Variants in FMNL3 observed in about 807,000 individuals in gnomAD.
The protein encoded by FMNL3 is formin like 3.
In FMNL3, 57 loss-of-function variants were observed where a neutral mutation model predicts 119.6. The ratio of observed to expected loss-of-function variants is 0.48; its 90% CI spans 0.39 to 0.59. The LOEUF is 0.59. FMNL3 is among the 20% of genes least tolerant of loss of function. The pLI is 0.00. For synonymous variants in FMNL3, 491 were observed against 507.3 expected (o/e 0.97, Z 0.43); for missense variants, 1,053 against 1,323.5 (o/e 0.80, Z 3.17).
chr12:49,676,303 C>T (rs12300919), intron 1 of FMNL3, among the ~76,000 whole-genome samples: 3,559 of 152,252 alleles, frequency 0.023, 141 homozygotes, highest in African/African-American at 0.082. Context: ...GTGTGCACAA[C>T]TTCTGAGAAA....
At chr12:49,654,133 G>T in intron 11 of FMNL3, 59 bp downstream of exon 11, 1 of 1,491,790 alleles carries the variant, frequency 6.7e-7, no homozygotes, top group Non-Finnish European at 9.3e-7. Context: ...AAAATCATTT[G>T]TGATACGGCT....
chr12:49,657,552 T>G (rs546542676), intron 6 of FMNL3, among the ~76,000 whole-genome samples: 56 of 152,276 alleles, frequency 3.7e-4, no homozygotes, highest in African/African-American at 1.3e-3. Flanking sequence ...TGCTGCACCT[T>G]CTGCACAATC....
intron 1 of FMNL3, among the ~76,000 whole-genome samples, chr12:49,682,802 C>G (rs900461045): frequency 6.6e-6 from 1 of 152,116 alleles, no homozygotes; most frequent in African/African-American, 2.4e-5. Flanking sequence ...AAGATAAAAT[C>G]AAGAAACCAA....
At chr12:49,686,602 T>G (rs942620224) in intron 1 of FMNL3, among the ~76,000 whole-genome samples, 11 of 133,310 alleles carry the variant, frequency 8.3e-5, no homozygotes, top group South Asian at 4.8e-4. Flanking sequence ...AAAAAAAAAG[T>G]ATTGAGCACC....
At chr12:49,693,635 G>GTTT (rs1565896489) in intron 1 of FMNL3, among the ~76,000 whole-genome samples, 356 of 21,244 alleles carry the variant, frequency 0.017, 149 homozygotes, top group East Asian at 0.048. Flanking sequence ...TCCCAATCTT[G>GTTT]GTTTTTTTTT....
chr12:49,652,845 G>A (rs1422997413), intron 13 of FMNL3, among the ~76,000 whole-genome samples: 1 of 152,174 alleles, frequency 6.6e-6, no homozygotes, highest in Non-Finnish European at 1.5e-5. Flanking sequence ...GATACCTGGT[G>A]GACATCCTAA....
chr12:49,662,996 C>T (rs1943780686), intron 4 of FMNL3, among the ~76,000 whole-genome samples: 1 of 152,196 alleles, frequency 6.6e-6, no homozygotes, highest in Non-Finnish European at 1.5e-5. Context: ...CCTTTCTCCC[C>T]AACAGCTGGA....
intron 21 of FMNL3, among the ~76,000 whole-genome samples, chr12:49,648,757 G>A (rs547056606): frequency 5.9e-5 from 9 of 152,258 alleles, no homozygotes; most frequent in Non-Finnish European, 1.3e-4. Flanking sequence ...GCTTGAGGGA[G>A]TTGGGAGTAA....
intron 1 of FMNL3, among the ~76,000 whole-genome samples, chr12:49,692,352 CT>C (rs1487884458): frequency 2.0e-5 from 3 of 151,874 alleles, no homozygotes; most frequent in African/African-American, 7.3e-5. Context: ...AGTCTACCCC[CT>C]CCCTACCCAA....
intron 1 of FMNL3, among the ~76,000 whole-genome samples, chr12:49,697,177 G>A (rs1023701297): frequency 2.0e-5 from 3 of 152,116 alleles, no homozygotes; most frequent in Non-Finnish European, 4.4e-5. Flanking sequence ...CTGACCAGGG[G>A]GTGAGTGTAG....
intron 4 of FMNL3, 105 bp downstream of exon 4, chr12:49,665,727 C>G: frequency 1.6e-6 from 2 of 1,215,030 alleles, no homozygotes; most frequent in Non-Finnish European, 2.4e-6. Flanking sequence ...TGCCCCATGG[C>G]AGGGAAGATG....
At position 49,637,697 on chromosome 12, in the gene FMNL3, GC is replaced by G. The variant is rs1565839898; in HGVS notation, c.*8117del. 2 of 1,450,746 alleles carry G rather than the reference GC, an allele frequency of 1.4e-6. No homozygotes were observed. Among genetic ancestry groups the G allele is most frequent in the Admixed American group, 3.7e-5 (2 of 54,288 alleles). The allele number at this position is 1,450,746 out of a possible 1,614,324, so 89.9% of individuals were successfully genotyped here. A position where few individuals can be genotyped will look rare whatever the true frequency, so the allele number is the denominator to read the frequency against. On this transcript the variant is annotated 3_prime_UTR_variant, in exon 26 of 26. Coordinates refer to ENST00000335154, the MANE Select transcript of FMNL3 (RefSeq NM_175736.5). ...CCCAGCCCCCAGGCCTTGGGAAGCT[GC>G]CGCCCGCCAGGCCCCCCTCCCTCCC...
intron 1 of FMNL3, among the ~76,000 whole-genome samples, chr12:49,693,023 CA>C (rs1032926407): frequency 1.3e-5 from 2 of 152,110 alleles, no homozygotes; most frequent in Admixed American, 1.3e-4. Flanking sequence ...ACTTCGTAAA[CA>C]GGAGGGCAAT....
intron 1 of FMNL3, among the ~76,000 whole-genome samples, chr12:49,696,676 G>C (rs2139032169): frequency 6.6e-6 from 1 of 152,346 alleles, no homozygotes; most frequent in Non-Finnish European, 1.5e-5. Flanking sequence ...CAAAGGTTGA[G>C]GGCTAGGGCC....
rs764554771 is a variant in FMNL3, at chr12:49,648,300, G to A, written c.2569C>T (p.Leu857=). The part of the protein sequence containing the change: ...DVKELGRGME[L]IRRECSIHDN... ...TGGATGCTGCACTCACGCCGAATCA[G>A]CTCCATGCCCCGGCCCAGCTCCTTC... is the stretch of plus-strand genomic sequence containing the variant. Residue 857 remains leucine (L), a synonymous_variant, in exon 22 of 26, where the codon CTG becomes TTG. Transcript: ENST00000335154. The A allele has an allele frequency of 3.1e-6, 5 of 1,613,734 alleles. No individual in the cohort carries two copies. The highest frequency in any genetic ancestry group is 4.2e-6 in the Non-Finnish European group (5 of 1,179,854).
At chr12:49,646,749 C>A (rs756749291) in intron 25 of FMNL3, 137 bp downstream of exon 25, 1 of 1,589,320 alleles carries the variant, frequency 6.3e-7, no homozygotes, top group Admixed American at 1.8e-5. Context: ...GGACACTCTT[C>A]AGCACTGTGG....
At position 49,637,760 on chromosome 12, in the gene FMNL3, T is replaced by A. The variant is rs770514767; in HGVS notation, c.*8055A>T. ...TCCACCCCTCTGGACTTATTCAAGTTCTATGTGGAGGAGTTGAAGGCACGA... is the reference window on the plus strand; with the variant it reads ...TCCACCCCTCTGGACTTATTCAAGTACTATGTGGAGGAGTTGAAGGCACGA... On this transcript the variant is annotated 3_prime_UTR_variant, in exon 26 of 26. Coordinates refer to ENST00000335154, the MANE Select transcript of FMNL3 (RefSeq NM_175736.5). The A allele has an allele frequency of 6.2e-6, 10 of 1,611,822 alleles. No individual in the cohort carries two copies. Among genetic ancestry groups the A allele is most frequent in the Non-Finnish European group, 8.5e-6 (10 of 1,178,530 alleles).
At chr12:49,696,854 C>T (rs1008549648) in intron 1 of FMNL3, among the ~76,000 whole-genome samples, 1 of 152,234 alleles carries the variant, frequency 6.6e-6, no homozygotes, top group African/African-American at 2.4e-5. Flanking sequence ...ACCAGGGCTC[C>T]TTCTTACCAA....
chr12:49,666,140 C>T lies in FMNL3; in HGVS notation c.278G>A (p.Ser93Asn), dbSNP rs1379038086. 1.5e-5 allele frequency: 24 copies of T among 1,614,122 alleles called. No homozygotes were observed. The highest frequency in any genetic ancestry group is 2.0e-5 in the Non-Finnish European group (24 of 1,179,966). Residue 93 changes from serine (S) to asparagine (N), a missense_variant, in exon 3 of 26, where the codon AGT becomes AAT. Around this residue, in one of 4 missense-constraint regions of FMNL3, gnomAD observed 264 missense variants for 265.5 expected, o/e 0.99. Coordinates refer to ENST00000335154, the MANE Select transcript of FMNL3 (RefSeq NM_175736.5). Reference protein sequence around the residue: ...IQKLQSFLDPSVTRKKFRRRV... With the variant: ...IQKLQSFLDPNVTRKKFRRRV... ...CTCATACTTCACCTTCCGAGTTACA[C>T]TGGGGTCCAAGAAGCTCTGGAGTTT...
Sources: allele counts gnomAD v4.1 joint callset (sites outside exome capture counted in the v4.1 genomes callset), GRCh38; gene constraint gnomAD v4.1.1; regional missense constraint gnomAD v4.1.1; transcripts MANE v1.5; gene names NCBI Gene and HGNC (gene_info 2026-07-23, HGNC 2026-07-21).